Variants in VIRMA observed in about 807,000 individuals in gnomAD.
VIRMA encodes protein virilizer homolog.
Under a neutral mutation model 182.4 loss-of-function variants are expected in VIRMA, and 65 were observed. The observed-to-expected ratio is 0.36, with a 90% CI of 0.29 to 0.44. The LOEUF (loss-of-function observed/expected upper bound fraction) is 0.44, where lower values mean the gene tolerates loss of function less well. VIRMA is among the 20% of genes least tolerant of loss of function. The pLI, the probability that VIRMA is intolerant of heterozygous loss-of-function variation, is 1.00. For synonymous variants in VIRMA, 709 were observed against 743.1 expected (o/e 0.95, Z 0.75); for missense variants, 1,752 against 2,158.1 (o/e 0.81, Z 3.73).
chr8:94,551,113 A>G (rs532794256), intron 1 of VIRMA, among the ~76,000 whole-genome samples: 2 of 152,268 alleles, frequency 1.3e-5, no homozygotes, highest in East Asian at 3.9e-4. Context: ...CTTCAAGCAT[A>G]CCCTAACAGA....
chr8:94,515,897 A>C (rs1814544978), intron 10 of VIRMA, among the ~76,000 whole-genome samples: 1 of 151,702 alleles, frequency 6.6e-6, no homozygotes, highest in Admixed American at 6.6e-5. Flanking sequence ...ACAGATGGAG[A>C]CCATCCTGGC....
intron 5 of VIRMA, among the ~76,000 whole-genome samples, chr8:94,532,830 A>C (rs1815216319): frequency 1.3e-5 from 2 of 152,100 alleles, no homozygotes; most frequent in Admixed American, 1.3e-4. Context: ...GGAGGGTGGC[A>C]CACGTCTATA....
At chr8:94,492,622 A>C (rs1813643103) in intron 21 of VIRMA, 30 bp downstream of exon 21, 1 of 1,588,680 alleles carries the variant, frequency 6.3e-7, no homozygotes, top group South Asian at 1.1e-5. Flanking sequence ...ATGTGATGAC[A>C]TTTGAGATCT....
chr8:94,535,775 T>TG (rs1185415414), intron 4 of VIRMA, among the ~76,000 whole-genome samples: 1 of 148,850 alleles, frequency 6.7e-6, no homozygotes, highest in African/African-American at 2.5e-5. Context: ...GAGCGAGACT[T>TG]GGTCTCAAAA....
Position 94,526,490 on chromosome 8 carries a change from TC to T in VIRMA, c.1753del (p.Glu585AsnfsTer35). The T allele has an allele frequency of 6.2e-7, 1 of 1,613,792 alleles. No individual in the cohort carries two copies. Among genetic ancestry groups the T allele is most frequent in the Non-Finnish European group, 8.5e-7 (1 of 1,179,956 alleles). On this transcript the variant is annotated frameshift_variant, in exon 8 of 24. Coordinates refer to ENST00000297591, the MANE Select transcript of VIRMA (RefSeq NM_015496.5). LOFTEE classifies it high-confidence loss of function. ...EKTSSLPNHS[E>X]PDHDTDAGLE... ...TCCAGCATCTGTGTCGTGATCAGGT[TC>T]ACTGTGGTTAGGAAGAGATGAAGTC...
chr8:94,522,529 A>C (rs187603419), intron 8 of VIRMA, among the ~76,000 whole-genome samples: 1 of 152,162 alleles, frequency 6.6e-6, no homozygotes, highest in Non-Finnish European at 1.5e-5. Context: ...TTTTCCTTTC[A>C]AAATTCACTC....
At chr8:94,500,170 C>G (rs1353008227) in intron 16 of VIRMA, among the ~76,000 whole-genome samples, 1 of 118,284 alleles carries the variant, frequency 8.5e-6, no homozygotes, top group African/African-American at 4.2e-5. Flanking sequence ...GAGGTCGAGG[C>G]GGGCAGATCA....
intron 6 of VIRMA, among the ~76,000 whole-genome samples, chr8:94,530,733 G>A (rs1332273026): frequency 6.6e-6 from 1 of 152,078 alleles, no homozygotes; most frequent in Admixed American, 6.6e-5. Context: ...GCAAAATAGT[G>A]AGACCCCATC....
At chr8:94,495,303 C>T (rs1813733868) in intron 19 of VIRMA, among the ~76,000 whole-genome samples, 1 of 152,092 alleles carries the variant, frequency 6.6e-6, no homozygotes, top group South Asian at 2.1e-4. Context: ...TATGCCCAGT[C>T]TTTTAGCTTA....
chr8:94,544,652 G>A (rs1197997234), intron 1 of VIRMA, among the ~76,000 whole-genome samples: 31 of 118,800 alleles, frequency 2.6e-4, no homozygotes, highest in Non-Finnish European at 3.9e-4. Context: ...CAGAGCGAGC[G>A]ACTCTGTCTC....
At chr8:94,521,763 A>G (rs950645485) in intron 8 of VIRMA, among the ~76,000 whole-genome samples, 3 of 152,220 alleles carry the variant, frequency 2.0e-5, no homozygotes, top group South Asian at 2.1e-4. Context: ...CCAGGCTTCT[A>G]CTTCACAATA....
Position 94,509,801 on chromosome 8 carries a change from A to G in VIRMA, c.3766T>C (p.Tyr1256His). Reference protein sequence around the residue: ...INGTIKGDERYAEIFQDLLAL... With the variant: ...INGTIKGDERHAEIFQDLLAL... ...AAAAGATCCTGGAATATCTCTGCAT[A>G]TCTTTCATCACCTTTAATAGTTCCA... The change falls in exon 15 of 24, where the codon TAT becomes CAT. Residue 1256 changes from tyrosine to histidine, a missense_variant. Tyr to His is a moderately conservative substitution (Grantham distance 83). This residue lies in a region of VIRMA where 777 missense variants were observed against 920.6 expected (regional missense o/e 0.84). Transcript: ENST00000297591. 1 of 1,614,142 alleles carries G rather than the reference A, an allele frequency of 6.2e-7. No homozygotes were observed. Among genetic ancestry groups the G allele is most frequent in the Non-Finnish European group, 8.5e-7 (1 of 1,179,992 alleles).
At chr8:94,497,167 A>G (rs1035691066) in intron 17 of VIRMA, 1 of 152,212 alleles carries the variant, frequency 6.6e-6, no homozygotes. Context: ...TGGCACAATC[A>G]TAGCTCACTG....
intron 1 of VIRMA, among the ~76,000 whole-genome samples, chr8:94,551,595 T>C (rs1297196712): frequency 6.6e-6 from 1 of 152,252 alleles, no homozygotes; most frequent in Non-Finnish European, 1.5e-5. Context: ...CCCTATGCTC[T>C]CAAGGTATTC....
intron 5 of VIRMA, 126 bp from the exon 6 acceptor site, chr8:94,531,211 G>A: frequency 9.7e-7 from 1 of 1,028,876 alleles, no homozygotes; most frequent in Non-Finnish European, 1.3e-6. Flanking sequence ...TCTAAAATAT[G>A]GTATTTGAGG....
chr8:94,511,431 G>A lies in VIRMA; in HGVS notation c.3144C>T (p.Pro1048=), dbSNP rs201690220. The change falls in exon 13 of 24, where the codon CCC becomes CCT. Residue 1048 remains proline (P), a synonymous_variant. Transcript: ENST00000297591. ...CATCACTATCCAAACGACCTGAGAG[G>A]GGGATAGAGCACAGGAGCATATGTA... ...VTLHMLLCSI[P]LSGRLDSDEQ... 2.7e-5 allele frequency: 44 copies of A among 1,614,060 alleles called. No individual in the cohort carries two copies. The Admixed American group carries it at 7.3e-4, about 27-fold the overall frequency.
chr8:94,507,277 A>T (rs1814187637), intron 15 of VIRMA, among the ~76,000 whole-genome samples: 1 of 151,576 alleles, frequency 6.6e-6, no homozygotes, highest in Non-Finnish European at 1.5e-5. Context: ...CTGGGATTAT[A>T]GGAATGCAGC....
At chr8:94,514,810 T>C in intron 11 of VIRMA, 59 bp downstream of exon 11, 1 of 823,940 alleles carries the variant, frequency 1.2e-6, no homozygotes, top group Non-Finnish European at 2.0e-6. Context: ...CAATGCAGTA[T>C]CACCATGTAC....
intron 2 of VIRMA, among the ~76,000 whole-genome samples, chr8:94,543,160 G>A (rs549699350): frequency 2.2e-4 from 33 of 151,636 alleles, no homozygotes; most frequent in African/African-American, 3.4e-4. Flanking sequence ...CTCCTGCCTC[G>A]GCCTCTCAAA....
Sources: allele counts gnomAD v4.1 joint callset (sites outside exome capture counted in the v4.1 genomes callset), GRCh38; gene constraint gnomAD v4.1.1; regional missense constraint gnomAD v4.1.1; transcripts MANE v1.5; gene names NCBI Gene and HGNC (gene_info 2026-07-23, HGNC 2026-07-21).